KMO: variants seen among roughly 807,000 people sequenced by gnomAD.
The protein encoded by KMO is kynurenine 3-monooxygenase.
In KMO, 24 loss-of-function variants were observed where a neutral mutation model predicts 57.8. The ratio of observed to expected loss-of-function variants is 0.42; its 90% CI spans 0.30 to 0.58. The LOEUF is 0.58. KMO is among the 20% of genes least tolerant of loss of function. The pLI is 0.22. For synonymous variants in KMO, 210 were observed against 193.6 expected (o/e 1.08, Z -0.70); for missense variants, 483 against 588.2 (o/e 0.82, Z 1.85).
At position 241,570,299 on chromosome 1, in the gene KMO, G is replaced by GT. The variant is rs574927356; in HGVS notation, c.957+1658dup. Among the ~76,000 whole-genome samples the GT allele has an allele frequency of 6.8e-4, 104 of 151,956 alleles. 2 individuals are homozygous for GT. Among genetic ancestry groups the GT allele is most frequent in the Non-Finnish European group, 1.4e-3 (93 of 67,860 alleles). ...TTCTGTTCCAAAGGTCTATGTGTCT[G>GT]TTTTTTGCTTTGGCTGCCTGTGTTT... On this transcript the variant is annotated intron_variant, in intron 10 of 14. Transcript: ENST00000366559.
chr1:241,538,251 G>T (rs1004180433), intron 1 of KMO, among the ~76,000 whole-genome samples: 1 of 152,076 alleles, frequency 6.6e-6, no homozygotes, highest in African/African-American at 2.4e-5. Flanking sequence ...TGCAGGCCCA[G>T]TTGAAGGGCC....
At chr1:241,536,385 C>A in intron 1 of KMO, 1 of 322,860 alleles carries the variant, frequency 3.1e-6, no homozygotes, top group Non-Finnish European at 4.5e-6. Flanking sequence ...GCCATCTAAG[C>A]TAAACAAGTG....
chr1:241,588,227 A>G (rs1334449209), intron 11 of KMO, among the ~76,000 whole-genome samples: 1 of 151,944 alleles, frequency 6.6e-6, no homozygotes, highest in East Asian at 1.9e-4. Context: ...AAGTAAGTTC[A>G]TAGTATATGT....
At chr1:241,585,973 T>A (rs1662962556) in intron 10 of KMO, among the ~76,000 whole-genome samples, 1 of 151,970 alleles carries the variant, frequency 6.6e-6, no homozygotes, top group South Asian at 2.1e-4. Flanking sequence ...TATCCTATCA[T>A]TAAATTGCTC....
At chr1:241,571,322 TA>T in intron 10 of KMO, among the ~76,000 whole-genome samples, 1 of 152,266 alleles carries the variant, frequency 6.6e-6, no homozygotes, top group Admixed American at 6.5e-5. Flanking sequence ...CTACATTGCA[TA>T]AAAATGGTGA....
chr1:241,546,852 A>C (rs1036076923), intron 1 of KMO, among the ~76,000 whole-genome samples: 3 of 152,224 alleles, frequency 2.0e-5, no homozygotes, highest in Non-Finnish European at 4.4e-5. Flanking sequence ...ACATTTTCAC[A>C]TCATCATGGA....
intron 1 of KMO, among the ~76,000 whole-genome samples, chr1:241,540,383 T>A (rs1358118293): frequency 6.6e-6 from 1 of 152,094 alleles, no homozygotes; most frequent in Admixed American, 6.6e-5. Context: ...TATATATAAT[T>A]ACAGAAGAAA....
chr1:241,560,341 C>T (rs1010866767), intron 5 of KMO, among the ~76,000 whole-genome samples: 8 of 152,130 alleles, frequency 5.3e-5, no homozygotes, highest in Admixed American at 6.5e-5. Context: ...GGATTAGAGG[C>T]GACTTCTGAA....
intron 10 of KMO, among the ~76,000 whole-genome samples, chr1:241,573,701 A>G (rs914382446): frequency 2.6e-5 from 4 of 152,102 alleles, no homozygotes; most frequent in Admixed American, 1.3e-4. Flanking sequence ...TTTAAGGTCC[A>G]GTAATGTGAT....
chr1:241,585,439 T>C (rs999655271), intron 10 of KMO, among the ~76,000 whole-genome samples: 4 of 151,928 alleles, frequency 2.6e-5, no homozygotes, highest in South Asian at 2.1e-4. Flanking sequence ...ATCTTTATAA[T>C]TGATGTGAAA....
At chr1:241,540,443 G>A (rs1478008834) in intron 1 of KMO, among the ~76,000 whole-genome samples, 1 of 152,106 alleles carries the variant, frequency 6.6e-6, no homozygotes, top group African/African-American at 2.4e-5. Flanking sequence ...AAACTACACT[G>A]AGGATATGAG....
At chr1:241,539,684 G>C (rs1932439) in intron 1 of KMO, among the ~76,000 whole-genome samples, 76,772 of 151,908 alleles carry the variant, frequency 0.51, 19,697 homozygotes, top group African/African-American at 0.57. Context: ...TATTCTCTCC[G>C]CAGCTCACTT....
intron 10 of KMO, among the ~76,000 whole-genome samples, chr1:241,582,863 CTATTT>C (rs1352911309): frequency 2.6e-5 from 4 of 152,074 alleles, no homozygotes; most frequent in African/African-American, 9.7e-5. Context: ...AATTAGGTGT[CTATTT>C]TGTCTATTTT....
At chr1:241,563,469 A>G (rs749563974) in intron 7 of KMO, among the ~76,000 whole-genome samples, 4 of 152,208 alleles carry the variant, frequency 2.6e-5, no homozygotes, top group Non-Finnish European at 5.9e-5. Context: ...AGTAAAATCC[A>G]TATTTTCACA....
chr1:241,536,677 C>G (rs1360154229), intron 1 of KMO: 1 of 186,116 alleles, frequency 5.4e-6, no homozygotes, highest in East Asian at 1.9e-4. Context: ...TCAAATATTT[C>G]TTCTGTTCCT....
chr1:241,592,460 T>C lies in KMO; in HGVS notation c.*307T>C. On this transcript the variant is annotated 3_prime_UTR_variant, in exon 15 of 15. Coordinates refer to ENST00000366559, the MANE Select transcript of KMO (RefSeq NM_003679.5). ...GCCCTAGATGCCTCAGGGAAGACAG[T>C]AATCATGCCTTTTCTTTAAAAGACA... 5.9e-6 allele frequency: 2 copies of C among 340,768 alleles called. No individual in the cohort carries two copies. The highest frequency in any genetic ancestry group is 3.2e-5 in the South Asian group (1 of 31,280). The allele number at this position is 340,768 out of a possible 1,614,324, so 21.1% of individuals were successfully genotyped here.
intron 4 of KMO, among the ~76,000 whole-genome samples, chr1:241,553,975 TA>T (rs1661507566): frequency 6.6e-6 from 1 of 152,190 alleles, no homozygotes; most frequent in African/African-American, 2.4e-5. Flanking sequence ...GTATATGTGT[TA>T]AAAATATTTG....
intron 10 of KMO, among the ~76,000 whole-genome samples, chr1:241,583,940 A>G (rs1662863189): frequency 6.6e-6 from 1 of 152,202 alleles, no homozygotes; most frequent in African/African-American, 2.4e-5. Context: ...TTAGCCTCAA[A>G]GAAAGAAAAT....
chr1:241,536,534 C>T (rs1231370829), intron 1 of KMO: 1 of 985,328 alleles, frequency 1.0e-6, no homozygotes, highest in Admixed American at 6.2e-5. Context: ...CTACTCAAGA[C>T]ACCATTTTTT....
Sources: allele counts gnomAD v4.1 joint callset (sites outside exome capture counted in the v4.1 genomes callset), GRCh38; gene constraint gnomAD v4.1.1; transcripts MANE v1.5; gene names NCBI Gene and HGNC (gene_info 2026-07-23, HGNC 2026-07-21).